Variants in TSPEAR observed in about 807,000 individuals in gnomAD.
The protein encoded by TSPEAR is thrombospondin-type laminin G domain and EAR repeat-containing protein.
Under a neutral mutation model 71.6 loss-of-function variants are expected in TSPEAR, and 69 were observed. The observed-to-expected ratio is 0.96, with a 90% CI of 0.79 to 1.18. The LOEUF is 1.18. TSPEAR is among the 50% of genes most tolerant of loss of function. The pLI is 0.00. For missense variants in TSPEAR, 971 were observed against 894.9 expected (o/e 1.09, Z -1.09); for synonymous variants, 402 against 387.2 (o/e 1.04, Z -0.45).
chr21:44,696,532 C>T (rs56829302), intron 1 of TSPEAR, among the ~76,000 whole-genome samples: 34,702 of 152,150 alleles, frequency 0.23, 5,062 homozygotes, highest in African/African-American at 0.42. Context: ...GCTCAGAATA[C>T]TTCCTGACAC....
At chr21:44,640,101 C>A (rs1983939533) in intron 1 of TSPEAR, among the ~76,000 whole-genome samples, 2 of 152,220 alleles carry the variant, frequency 1.3e-5, no homozygotes, top group African/African-American at 4.8e-5. Flanking sequence ...TACACAGCAC[C>A]ACTGACAGTA....
At chr21:44,624,066 G>A (rs587760459) in intron 1 of TSPEAR, among the ~76,000 whole-genome samples, 1 of 152,070 alleles carries the variant, frequency 6.6e-6, no homozygotes, top group Non-Finnish European at 1.5e-5. Flanking sequence ...CAACATAAGG[G>A]CATGCTTACT....
Position 44,527,485 on chromosome 21 carries a change from T to C in TSPEAR, c.956A>G (p.Gln319Arg). ...GGTCTCTGAGTTGGTGGACAAGTTC[T>C]GATGCTCCTCCACGTAGTCCAGTCT... ...KERLDYVEEH[Q>R]NLSTNSETLG... is the part of the protein sequence containing the mutation. The change falls in exon 7 of 12, where the codon CAG becomes CGG. Residue 319 changes from glutamine (Q) to arginine (R), a missense_variant. Gln to Arg is a conservative substitution (Grantham distance 43). Coordinates refer to ENST00000323084, the MANE Select transcript of TSPEAR (RefSeq NM_144991.3). 7 of 1,614,260 alleles carry C rather than the reference T, an allele frequency of 4.3e-6. No homozygotes were observed. Among genetic ancestry groups the C allele is most frequent in the Non-Finnish European group, 5.9e-6 (7 of 1,180,048 alleles).
rs1555952635 is a variant in TSPEAR at position 44,707,309 on chromosome 21, G to GGC, written c.82+4123_82+4124insGC. On this transcript the variant is annotated intron_variant, in intron 1 of 11. Coordinates refer to ENST00000323084, the MANE Select transcript of TSPEAR (RefSeq NM_144991.3). ...TGGGGAAAGGACGCGGGGTGGGGGG[G>GGC]GGTGCGGGGAGAGAGGACACAGGGT... Among the ~76,000 whole-genome samples, 7 of 152,192 alleles carry GGC rather than the reference G, an allele frequency of 4.6e-5. No individual in the cohort carries two copies. In the East Asian group the frequency reaches 9.7e-4, roughly 21 times the overall value.
chr21:44,598,283 C>T (rs587694691), intron 1 of TSPEAR, among the ~76,000 whole-genome samples: 1 of 152,314 alleles, frequency 6.6e-6, no homozygotes, highest in African/African-American at 2.4e-5. Flanking sequence ...TTTAGCCAAT[C>T]GGGTCTAGTT....
intron 9 of TSPEAR, chr21:44,518,667 C>T (rs1431781661): frequency 6.4e-6 from 3 of 470,658 alleles, no homozygotes; most frequent in African/African-American, 6.0e-5. Flanking sequence ...GGAGGCCCGC[C>T]CCCTGCCCCC....
At chr21:44,574,374 C>G (rs781876417) in intron 1 of TSPEAR, 6 of 1,607,286 alleles carry the variant, frequency 3.7e-6, no homozygotes, top group Non-Finnish European at 5.1e-6. Flanking sequence ...CTCCTGCACG[C>G]CCTCGTGCTG....
intron 1 of TSPEAR, among the ~76,000 whole-genome samples, chr21:44,621,084 A>G (rs1982402727): frequency 1.3e-5 from 2 of 152,232 alleles, no homozygotes; most frequent in Non-Finnish European, 2.9e-5. Flanking sequence ...GGTAAAATCT[A>G]ATCTGAAGAA....
chr21:44,609,369 C>T (rs1292013158), intron 1 of TSPEAR, among the ~76,000 whole-genome samples: 2 of 152,180 alleles, frequency 1.3e-5, no homozygotes, highest in Non-Finnish European at 2.9e-5. Flanking sequence ...AATATATCTT[C>T]CTTGTACCCA....
At chr21:44,579,281 G>T (rs372965935) in intron 1 of TSPEAR, among the ~76,000 whole-genome samples, 8 of 152,284 alleles carry the variant, frequency 5.3e-5, no homozygotes, top group African/African-American at 1.9e-4. Context: ...GCTGAGCCGG[G>T]ACTGAGCCTT....
At chr21:44,549,655 A>G (rs2053367187) in intron 2 of TSPEAR, among the ~76,000 whole-genome samples, 1 of 152,328 alleles carries the variant, frequency 6.6e-6, no homozygotes, top group Admixed American at 6.5e-5. Flanking sequence ...CTAGGAGTCT[A>G]TTCTCAGATT....
chr21:44,625,206 C>T (rs1319770192), intron 1 of TSPEAR, among the ~76,000 whole-genome samples: 2 of 152,236 alleles, frequency 1.3e-5, no homozygotes, highest in African/African-American at 4.8e-5. Flanking sequence ...AAGACAACCA[C>T]ACTTCCTGCC....
chr21:44,586,111 G>C (rs1555925654), intron 1 of TSPEAR, among the ~76,000 whole-genome samples: 1 of 152,220 alleles, frequency 6.6e-6, no homozygotes, highest in East Asian at 1.9e-4. Flanking sequence ...GGCCTGCCTG[G>C]CTCTCCTGCT....
chr21:44,499,979 G>A (rs782639787), intron 11 of TSPEAR, 43 bp from the exon 12 acceptor site: 40 of 1,551,154 alleles, frequency 2.6e-5, no homozygotes, highest in Non-Finnish European at 3.0e-5. Flanking sequence ...TGGGCTCTGC[G>A]GGGCAGCTCC....
chr21:44,647,422 C>A, intron 1 of TSPEAR: 4 of 1,539,396 alleles, frequency 2.6e-6, no homozygotes, highest in Non-Finnish European at 3.5e-6. Flanking sequence ...GTCTCAGGAG[C>A]CCCTGGAGTC....
At chr21:44,702,637 T>G (rs1011471219) in intron 1 of TSPEAR, 124 of 1,591,572 alleles carry the variant, frequency 7.8e-5, no homozygotes, top group Non-Finnish European at 9.6e-5. Context: ...CCACCCTGTG[T>G]GCAGGCCCAC....
At chr21:44,539,113 A>G in intron 2 of TSPEAR, 8 of 1,042,322 alleles carry the variant, frequency 7.7e-6, no homozygotes, top group Non-Finnish European at 1.1e-5. Flanking sequence ...CACCTGCTGG[A>G]AGGCAAGAGC....
At chr21:44,605,981 C>T (rs1981278955) in intron 1 of TSPEAR, among the ~76,000 whole-genome samples, 1 of 151,626 alleles carries the variant, frequency 6.6e-6, no homozygotes, top group African/African-American at 2.4e-5. Context: ...AGCTGTACAG[C>T]CAAGGAGACA....
At chr21:44,684,705 C>T (rs1319649179) in intron 1 of TSPEAR, among the ~76,000 whole-genome samples, 4 of 151,892 alleles carry the variant, frequency 2.6e-5, no homozygotes, top group African/African-American at 9.7e-5. Flanking sequence ...GGCCAGGCAA[C>T]GTGCACGGAT....
Sources: gnomAD v4.1 joint callset for allele counts (sites outside exome capture counted in the v4.1 genomes callset) on GRCh38, gnomAD v4.1.1 for gene constraint, MANE v1.5 for transcripts, NCBI Gene and HGNC (gene_info 2026-07-23, HGNC 2026-07-21) for gene names.